TEX14: variants seen among roughly 807,000 people sequenced by gnomAD.
TEX14 encodes inactive serine/threonine-protein kinase TEX14.
A neutral mutation model predicts 178.6 loss-of-function variants in TEX14; 168 were observed. The observed-to-expected ratio is 0.94, with a 90% CI of 0.83 to 1.07. The LOEUF (loss-of-function observed/expected upper bound fraction) is 1.07. TEX14 is among the 50% of genes least tolerant of loss of function. The pLI is 0.00. For synonymous variants in TEX14, 626 were observed against 634.1 expected (o/e 0.99, Z 0.19); for missense variants, 1,730 against 1,753.6 (o/e 0.99, Z 0.24).
chr17:58,636,468 C>G (rs750994057), intron 2 of TEX14, among the ~76,000 whole-genome samples: 1 of 152,176 alleles, frequency 6.6e-6, no homozygotes, highest in Non-Finnish European at 1.5e-5. Context: ...GTGCCAGGCA[C>G]TATTCTTTTA....
At chr17:58,669,940 G>A (rs1200843284) in intron 1 of TEX14, among the ~76,000 whole-genome samples, 3 of 152,048 alleles carry the variant, frequency 2.0e-5, no homozygotes, top group Admixed American at 6.6e-5. Context: ...CACGCTCCTT[G>A]AGGCTCTGCA....
Position 58,571,983 on chromosome 17 carries a change from C to T in TEX14, c.3655G>A (p.Ala1219Thr). ...SDDFISVRER[A>T]KKLDSLLTSS... The stretch of plus-strand genomic sequence containing the variant: ...GTAAGGAGAGAATCCAGTTTCTTTG[C>T]TCTCTCTCGGACACTTATAAAGTCA... Residue 1219 changes from alanine (A) to threonine (T), a missense_variant, in exon 24 of 32, where the codon GCA becomes ACA. Around this residue, in one of 2 missense-constraint regions of TEX14, gnomAD observed 941 missense variants for 1,072.4 expected, o/e 0.88. Coordinates refer to ENST00000349033, the MANE Select transcript of TEX14 (RefSeq NM_031272.5). The T allele has an allele frequency of 6.2e-7, 1 of 1,614,098 alleles. No individual in the cohort carries two copies. Among genetic ancestry groups the T allele is most frequent in the Non-Finnish European group, 8.5e-7 (1 of 1,180,000 alleles).
chr17:58,645,270 G>C (rs931329041), intron 2 of TEX14, among the ~76,000 whole-genome samples: 4 of 152,068 alleles, frequency 2.6e-5, no homozygotes, highest in Admixed American at 2.6e-4. Flanking sequence ...TTACAGGCGT[G>C]AGCCACCATG....
intron 15 of TEX14, among the ~76,000 whole-genome samples, chr17:58,592,958 AC>A (rs1208837178): frequency 5.9e-5 from 9 of 152,180 alleles, no homozygotes; most frequent in Non-Finnish European, 1.2e-4. Context: ...ATACATATAT[AC>A]CTATGTGTGC....
chr17:58,662,509 T>G (rs952392575), intron 1 of TEX14, among the ~76,000 whole-genome samples: 3 of 151,074 alleles, frequency 2.0e-5, no homozygotes, highest in Non-Finnish European at 4.4e-5. Context: ...CCAAATAAGT[T>G]GAGATGGAGA....
chr17:58,682,297 G>T (rs150141957), intron 1 of TEX14, among the ~76,000 whole-genome samples: 1 of 142,584 alleles, frequency 7.0e-6, no homozygotes, highest in Non-Finnish European at 1.5e-5. Context: ...TTACTCTGTC[G>T]TCCAGGCTAG....
At chr17:58,583,395 G>C (rs913467444) in intron 19 of TEX14, among the ~76,000 whole-genome samples, 1 of 151,990 alleles carries the variant, frequency 6.6e-6, no homozygotes, top group African/African-American at 2.4e-5. Context: ...CCTCCCAAAG[G>C]GCTGGGATTA....
chr17:58,625,570 G>A (rs1373867844), intron 3 of TEX14, among the ~76,000 whole-genome samples: 11 of 152,196 alleles, frequency 7.2e-5, no homozygotes, highest in Non-Finnish European at 8.8e-5. Flanking sequence ...AAGCTTACAA[G>A]AGGATCCAGG....
intron 1 of TEX14, among the ~76,000 whole-genome samples, chr17:58,666,901 A>G (rs1430683599): frequency 6.6e-6 from 1 of 152,118 alleles, no homozygotes; most frequent in Non-Finnish European, 1.5e-5. Flanking sequence ...TTTAATCTAC[A>G]TACTCCACCT....
intron 3 of TEX14, among the ~76,000 whole-genome samples, chr17:58,624,218 G>A (rs560316585): frequency 6.6e-6 from 1 of 151,936 alleles, no homozygotes; most frequent in East Asian, 1.9e-4. Flanking sequence ...CATAAAACCC[G>A]GGAGGCAGAG....
At chr17:58,567,068 G>A (rs573261463) in intron 26 of TEX14, among the ~76,000 whole-genome samples, 73 of 152,246 alleles carry the variant, frequency 4.8e-4, no homozygotes, top group African/African-American at 1.7e-3. Flanking sequence ...TCGGGAGGCT[G>A]AGGCAGGAGA....
chr17:58,593,432 T>C, intron 15 of TEX14, 123 bp downstream of exon 15: 3 of 743,722 alleles, frequency 4.0e-6, no homozygotes, highest in Non-Finnish European at 6.9e-6. Flanking sequence ...CCAATCTGCA[T>C]TACTCTTCTT....
chr17:58,601,954 A>G lies in TEX14; in HGVS notation c.1530T>C (p.Asp510=). The G allele has an allele frequency of 6.2e-7, 1 of 1,612,768 alleles. No homozygotes were observed. Among genetic ancestry groups the G allele is most frequent in the Non-Finnish European group, 8.5e-7 (1 of 1,179,892 alleles). The change falls in exon 13 of 32, where the codon GAT becomes GAC. Residue 510 remains aspartate (D), a splice_region_variant and synonymous_variant. Transcript: ENST00000349033. ...IRYILKNDLK[D]FTGAQRTQPT... is the part of the protein sequence containing the mutation. ...GTTGAGTTCTCTGGGCTCCAGTAAA[A>G]TCCTGTAACACAGGAAATATTGTCA...
intron 1 of TEX14, chr17:58,660,897 A>T (rs1212469705): frequency 1.2e-6 from 1 of 823,494 alleles, no homozygotes; most frequent in East Asian, 2.4e-5. Context: ...TTCTGGTGAC[A>T]TGAGTTAGAA....
chr17:58,572,253 A>AAAAC (rs10684412), intron 23 of TEX14, 127 bp from the exon 24 acceptor site: 115,203 of 588,080 alleles, frequency 0.2, 11,395 homozygotes, highest in African/African-American at 0.29. Context: ...TTACATTATT[A>AAAAC]AAACAAACAA....
intron 9 of TEX14, 26 bp from the exon 10 acceptor site, chr17:58,611,365 G>GAAAAA: frequency 2.2e-6 from 3 of 1,336,276 alleles, no homozygotes; most frequent in South Asian, 2.8e-5. Context: ...GAAATGCCAC[G>GAAAAA]AAAAAAAAAA....
rs1184730440 is a variant in TEX14 at position 58,617,773 on chromosome 17, TGA to T, written c.555-156_555-155del. Reference sequence around the variant, plus strand: ...TAGAGATGATGTAACAGCCAGCCTCTGAGAGGGCCTCTATGATTCTCACTTAC... The same window carrying T: ...TAGAGATGATGTAACAGCCAGCCTCTGAGGGCCTCTATGATTCTCACTTAC... On this transcript the variant is annotated intron_variant, in intron 5 of 31. Transcript: ENST00000349033. Among the ~76,000 whole-genome samples, 5 of 152,242 alleles carry T rather than the reference TGA, an allele frequency of 3.3e-5. No homozygotes were observed. The East Asian group carries it at 9.6e-4, about 29-fold the overall frequency.
chr17:58,619,978 C>T lies in TEX14; in HGVS notation c.554+1672G>A, dbSNP rs73327379. Among the ~76,000 whole-genome samples, 1,318 of 152,204 alleles carry T rather than the reference C, an allele frequency of 8.7e-3. 23 individuals carry two copies. Among genetic ancestry groups the T allele is most frequent in the African/African-American group, 0.029 (1,215 of 41,536 alleles). On this transcript the variant is annotated intron_variant, in intron 5 of 31. Transcript: ENST00000349033. The stretch of plus-strand genomic sequence containing the variant: ...TTTCCTTTCAGGCTCACTCATGAGC[C>T]TCCTCTCCTTGTACAGAGCCCTACC...
chr17:58,570,523 T>C lies in TEX14; in HGVS notation c.3718-39A>G, dbSNP rs768042680. On this transcript the variant is annotated intron_variant, in intron 24 of 31. Coordinates refer to ENST00000349033, the MANE Select transcript of TEX14 (RefSeq NM_031272.5). ...ATAAACATGGTAACTGTCATGTGTG[T>C]TGAGCTAAAAAGGCATATGCAGCTC... 3.4e-6 allele frequency: 5 copies of C among 1,461,100 alleles called. No homozygotes were observed. The African/African-American group carries it at 4.5e-5, about 13-fold the overall frequency. The allele number at this position is 1,461,100 out of a possible 1,614,324, so 90.5% of individuals were successfully genotyped here.
Sources: gnomAD v4.1 joint callset for allele counts (sites outside exome capture counted in the v4.1 genomes callset) on GRCh38, gnomAD v4.1.1 for gene constraint, gnomAD v4.1.1 regional missense constraint, MANE v1.5 for transcripts, NCBI Gene and HGNC (gene_info 2026-07-23, HGNC 2026-07-21) for gene names.